EFNA5: variants seen among roughly 807,000 people sequenced by gnomAD.
EFNA5 encodes the protein ephrin-A5.
EFNA5 carries 5 observed loss-of-function variants against 22.9 expected under a neutral mutation model. That is an observed-to-expected ratio of 0.22 (90% CI 0.11 to 0.46). EFNA5 has a LOEUF of 0.46. EFNA5 is among the 20% of genes least tolerant of loss of function. The pLI is 0.99. For missense variants in EFNA5, 237 were observed against 293.3 expected, an observed-to-expected ratio of 0.81 and a Z score of 1.40; for synonymous variants, 113 against 112.2, an observed-to-expected ratio of 1.01 and a Z score of -0.04.
At chr5:107,637,821 T>C (rs1160884550) in intron 1 of EFNA5, among the ~76,000 whole-genome samples, 1 of 148,620 alleles carries the variant, frequency 6.7e-6, no homozygotes, top group African/African-American at 2.4e-5. Flanking sequence ...AACAAAAAAC[T>C]AAGCTAACAG....
At chr5:107,659,353 A>G (rs754987946) in intron 1 of EFNA5, among the ~76,000 whole-genome samples, 1 of 152,174 alleles carries the variant, frequency 6.6e-6, no homozygotes, top group Non-Finnish European at 1.5e-5. Flanking sequence ...TTCTGATTCT[A>G]TGTGGTACCA....
intron 1 of EFNA5, among the ~76,000 whole-genome samples, chr5:107,439,020 T>C (rs752515697): frequency 1.3e-5 from 2 of 152,166 alleles, no homozygotes; most frequent in Non-Finnish European, 2.9e-5. Flanking sequence ...ATTTTAGGAT[T>C]TTTTTTCTCT....
At chr5:107,557,523 T>C (rs1414904262) in intron 1 of EFNA5, among the ~76,000 whole-genome samples, 1 of 152,222 alleles carries the variant, frequency 6.6e-6, no homozygotes, top group Non-Finnish European at 1.5e-5. Context: ...AAGCTATTTT[T>C]GTTTCCTCAT....
At chr5:107,623,026 T>TAA (rs1176842977) in intron 1 of EFNA5, among the ~76,000 whole-genome samples, 2 of 16,148 alleles carry the variant, frequency 1.2e-4, no homozygotes, top group Non-Finnish European at 1.9e-4. Flanking sequence ...AGACTCCGTC[T>TAA]CAAAAAAAAA....
intron 1 of EFNA5, among the ~76,000 whole-genome samples, chr5:107,587,400 G>T (rs553950769): frequency 4.8e-4 from 73 of 152,264 alleles, no homozygotes; most frequent in African/African-American, 1.7e-3. Flanking sequence ...CAAGAAATAC[G>T]TACAGTTTTT....
intron 1 of EFNA5, among the ~76,000 whole-genome samples, chr5:107,431,818 T>C (rs1241008517): frequency 6.6e-6 from 1 of 152,204 alleles, no homozygotes; most frequent in Non-Finnish European, 1.5e-5. Flanking sequence ...ACATATGTTA[T>C]CATATGAAAT....
chr5:107,588,203 G>T (rs1225212961), intron 1 of EFNA5, among the ~76,000 whole-genome samples: 1 of 151,382 alleles, frequency 6.6e-6, no homozygotes, highest in African/African-American at 2.4e-5. Context: ...GTCTGAATTA[G>T]TCTTGAAAAT....
At chr5:107,569,367 G>GTA (rs377698812) in intron 1 of EFNA5, among the ~76,000 whole-genome samples, 2,263 of 127,752 alleles carry the variant, frequency 0.018, 37 homozygotes, top group Non-Finnish European at 0.023. Flanking sequence ...ATATATACGT[G>GTA]TATATATATA....
intron 1 of EFNA5, among the ~76,000 whole-genome samples, chr5:107,598,670 A>C (rs977939258): frequency 6.6e-6 from 1 of 152,230 alleles, no homozygotes; most frequent in Non-Finnish European, 1.5e-5. Context: ...GTCAGAATTC[A>C]GAATCAGAAT....
In EFNA5 at chr5:107,482,856, CTCTCTCTCTCTCTCTATATATA is replaced by C. The variant is rs1561406386; in HGVS notation, c.126-55369_126-55348del. Among the ~76,000 whole-genome samples, 556 of 75,422 alleles carry C rather than the reference CTCTCTCTCTCTCTCTATATATA, an allele frequency of 7.4e-3. 10 individuals carry two copies. Among genetic ancestry groups the C allele is most frequent in the Non-Finnish European group, 0.01 (402 of 38,510 alleles). The allele number at this position is 75,422 out of a possible 152,430, so 49.5% of individuals were successfully genotyped here. A position where few individuals can be genotyped will look rare whatever the true frequency, so the allele number is the denominator to read the frequency against. On this transcript the variant is annotated intron_variant, in intron 1 of 4. Coordinates refer to ENST00000333274, the MANE Select transcript of EFNA5 (RefSeq NM_001962.3). ...TGTCTCTCTCTCTCTCTCTCTCTCTCTCTCTCTCTCTCTCTATATATATATATATATATATATACATACATAT... is the reference window on the plus strand; with the variant it reads ...TGTCTCTCTCTCTCTCTCTCTCTCTCTATATATATATATATACATACATAT...
intron 1 of EFNA5, among the ~76,000 whole-genome samples, chr5:107,503,101 G>A (rs1007723571): frequency 6.6e-6 from 1 of 152,110 alleles, no homozygotes; most frequent in Non-Finnish European, 1.5e-5. Flanking sequence ...GGGAAAGGGC[G>A]GGCACAGGGT....
intron 1 of EFNA5, among the ~76,000 whole-genome samples, chr5:107,633,380 G>A (rs1253182764): frequency 6.6e-6 from 1 of 152,190 alleles, no homozygotes; most frequent in East Asian, 1.9e-4. Flanking sequence ...AGCAAGAAGG[G>A]AAAAGTCTCC....
chr5:107,499,559 T>C (rs1409033970), intron 1 of EFNA5, among the ~76,000 whole-genome samples: 1 of 152,208 alleles, frequency 6.6e-6, no homozygotes, highest in Non-Finnish European at 1.5e-5. Flanking sequence ...AAAAACATAT[T>C]GACACTGGAT....
At chr5:107,545,278 G>T (rs1209475412) in intron 1 of EFNA5, among the ~76,000 whole-genome samples, 1 of 152,216 alleles carries the variant, frequency 6.6e-6, no homozygotes, top group East Asian at 1.9e-4. Flanking sequence ...CCAGAGCTAT[G>T]GGCCACATTT....
chr5:107,663,393 G>A (rs545580069), intron 1 of EFNA5, among the ~76,000 whole-genome samples: 12 of 152,172 alleles, frequency 7.9e-5, no homozygotes, highest in Admixed American at 2.6e-4. Context: ...ATAGCAAAGC[G>A]ATTTTTAAAA....
intron 1 of EFNA5, among the ~76,000 whole-genome samples, chr5:107,520,533 G>A (rs1747572449): frequency 6.6e-6 from 1 of 152,168 alleles, no homozygotes; most frequent in African/African-American, 2.4e-5. Flanking sequence ...TTGTATCTGT[G>A]TCTAGGTGAG....
intron 1 of EFNA5, among the ~76,000 whole-genome samples, chr5:107,599,596 AT>A (rs1749546866): frequency 6.6e-6 from 1 of 152,234 alleles, no homozygotes; most frequent in African/African-American, 2.4e-5. Flanking sequence ...AGTAAAATAA[AT>A]AGATCTACAG....
chr5:107,638,832 A>T (rs1264173752), intron 1 of EFNA5, among the ~76,000 whole-genome samples: 2 of 151,504 alleles, frequency 1.3e-5, no homozygotes, highest in Admixed American at 1.3e-4. Flanking sequence ...ACACATACAC[A>T]CACACATATA....
intron 1 of EFNA5, among the ~76,000 whole-genome samples, chr5:107,491,916 C>A (rs1746816353): frequency 6.6e-6 from 1 of 152,146 alleles, no homozygotes; most frequent in Non-Finnish European, 1.5e-5. Context: ...CTCACTGCAA[C>A]CTCCGCCTCC....
Sources: gnomAD v4.1 joint callset for allele counts (sites outside exome capture counted in the v4.1 genomes callset) on GRCh38, gnomAD v4.1.1 for gene constraint, MANE v1.5 for transcripts, NCBI Gene and HGNC (gene_info 2026-07-23, HGNC 2026-07-21) for gene names.